Variants in MGAT4C observed in about 807,000 individuals in gnomAD.
The protein encoded by MGAT4C is MGAT4 family member C.
MGAT4C carries 19 observed loss-of-function variants against 40.1 expected under a neutral mutation model. The observed-to-expected ratio is 0.47, with a 90% CI of 0.33 to 0.70. MGAT4C has a LOEUF of 0.70. Ranked by LOEUF, MGAT4C falls within the 30% of genes least tolerant of loss-of-function variation. MGAT4C has a pLI of 0.02. For missense variants in MGAT4C, 491 were observed against 563.2 expected, an observed-to-expected ratio of 0.87 and a Z score of 1.30; for synonymous variants, 181 against 187.1, an observed-to-expected ratio of 0.97 and a Z score of 0.27.
chr12:86,168,148 T>C (rs572836458), intron 1 of MGAT4C, among the ~76,000 whole-genome samples: 2 of 152,348 alleles, frequency 1.3e-5, no homozygotes, highest in East Asian at 1.9e-4. Flanking sequence ...AAAATAGCAC[T>C]GTTTTATAGT....
At chr12:86,266,810 C>G (rs754792891) in intron 4 of MGAT4C, among the ~76,000 whole-genome samples, 1 of 151,792 alleles carries the variant, frequency 6.6e-6, no homozygotes, top group African/African-American at 2.4e-5. Context: ...CTGACTCAAT[C>G]TTGCTGCTGT....
At chr12:86,187,361 A>G (rs1368016605) in intron 1 of MGAT4C, among the ~76,000 whole-genome samples, 2 of 152,030 alleles carry the variant, frequency 1.3e-5, no homozygotes, top group African/African-American at 4.8e-5. Flanking sequence ...GTCCTTTTAA[A>G]GTGTACAATT....
intron 2 of MGAT4C, among the ~76,000 whole-genome samples, chr12:86,542,928 T>C (rs977323312): frequency 6.6e-6 from 1 of 152,192 alleles, no homozygotes; most frequent in African/African-American, 2.4e-5. Context: ...TTTGATTTTA[T>C]ATATTCAAAT....
chr12:86,493,696 T>C (rs1958182027), intron 2 of MGAT4C, among the ~76,000 whole-genome samples: 1 of 151,982 alleles, frequency 6.6e-6, no homozygotes. Context: ...TACCTAATGC[T>C]ATATGACGAG....
At chr12:86,015,227 GTTTTT>G (rs1888961878) in intron 2 of MGAT4C, among the ~76,000 whole-genome samples, 8 of 149,056 alleles carry the variant, frequency 5.4e-5, no homozygotes, top group South Asian at 4.6e-4. Flanking sequence ...AGTAATTGCG[GTTTTT>G]CCGCAATTAC....
At chr12:86,330,274 A>G (rs534243077) in intron 4 of MGAT4C, among the ~76,000 whole-genome samples, 2 of 152,298 alleles carry the variant, frequency 1.3e-5, no homozygotes, top group South Asian at 4.1e-4. Flanking sequence ...ATTAGTACGT[A>G]TCATTTTTAT....
intron 2 of MGAT4C, among the ~76,000 whole-genome samples, chr12:86,685,247 T>C (rs951373623): frequency 1.3e-5 from 2 of 152,222 alleles, no homozygotes; most frequent in Non-Finnish European, 2.9e-5. Context: ...TTCAGATTTC[T>C]GCATATGGCT....
At chr12:86,492,148 T>G (rs569877475) in intron 2 of MGAT4C, among the ~76,000 whole-genome samples, 33 of 152,040 alleles carry the variant, frequency 2.2e-4, no homozygotes, top group African/African-American at 7.2e-4. Flanking sequence ...AATAAAAGAC[T>G]ATACAAACAA....
intron 1 of MGAT4C, among the ~76,000 whole-genome samples, chr12:86,769,090 A>C (rs1162860522): frequency 5.9e-5 from 9 of 152,140 alleles, no homozygotes; most frequent in Non-Finnish European, 8.8e-5. Flanking sequence ...CAACCTACAA[A>C]ATGGGAGAAC....
At chr12:86,088,050 G>T (rs1175862977) in intron 1 of MGAT4C, among the ~76,000 whole-genome samples, 2 of 151,798 alleles carry the variant, frequency 1.3e-5, no homozygotes, top group African/African-American at 4.8e-5. Flanking sequence ...CAACAGAACA[G>T]AACAGAACCC....
chr12:85,995,311 G>A (rs1019050765), intron 2 of MGAT4C, among the ~76,000 whole-genome samples: 1 of 152,162 alleles, frequency 6.6e-6, no homozygotes, highest in African/African-American at 2.4e-5. Context: ...TAGAATTTGA[G>A]TGGCAGAATA....
At chr12:86,381,806 C>A (rs112610014) in intron 3 of MGAT4C, among the ~76,000 whole-genome samples, 1 of 152,044 alleles carries the variant, frequency 6.6e-6, no homozygotes, top group African/African-American at 2.4e-5. Flanking sequence ...AATTGAGTCA[C>A]GGGGGCAGGT....
chr12:86,052,108 A>G (rs1892953484), intron 1 of MGAT4C, among the ~76,000 whole-genome samples: 1 of 151,738 alleles, frequency 6.6e-6, no homozygotes, highest in Non-Finnish European at 1.5e-5. Context: ...AATACAATGA[A>G]TCAGGTTGCC....
In MGAT4C at chr12:86,766,552, A is replaced by C. The variant is rs560975732; in HGVS notation, c.-261-39311T>G. 6.5e-3 allele frequency among the ~76,000 whole-genome samples: 992 copies of C among 151,592 alleles called. 4 individuals are homozygous for C. Among genetic ancestry groups the C allele is most frequent in the Non-Finnish European group, 0.011 (723 of 67,746 alleles). ...ATCTACAGAACTCTCCACCCCAAAT[A>C]AACAGAATATACATTTTTTTCAGCA... is the stretch of plus-strand genomic sequence containing the variant. On this transcript the variant is annotated intron_variant, in intron 1 of 7. Coordinates refer to the MGAT4C transcript ENST00000548651.
chr12:86,620,388 A>T (rs551651892), intron 2 of MGAT4C, among the ~76,000 whole-genome samples: 128 of 152,216 alleles, frequency 8.4e-4, no homozygotes, highest in Non-Finnish European at 1.6e-3. Flanking sequence ...TCAGCCATAA[A>T]AATAATAAAA....
chr12:86,297,731 A>G (rs1953715169), intron 4 of MGAT4C, among the ~76,000 whole-genome samples: 1 of 152,180 alleles, frequency 6.6e-6, no homozygotes, highest in African/African-American at 2.4e-5. Context: ...CAGGTGGTTT[A>G]TGAAAACCCA....
chr12:86,792,443 T>G (rs1952040224), intron 1 of MGAT4C, among the ~76,000 whole-genome samples: 1 of 152,060 alleles, frequency 6.6e-6, no homozygotes, highest in Admixed American at 6.6e-5. Context: ...ATGGATTTTA[T>G]CAGAAAAGAG....
At chr12:86,137,249 G>C (rs1882104653) in intron 1 of MGAT4C, among the ~76,000 whole-genome samples, 1 of 152,072 alleles carries the variant, frequency 6.6e-6, no homozygotes, top group Non-Finnish European at 1.5e-5. Flanking sequence ...GGAAACATAA[G>C]ACTCAATTTA....
At chr12:86,458,289 A>T (rs1246009410) in intron 2 of MGAT4C, among the ~76,000 whole-genome samples, 1 of 152,206 alleles carries the variant, frequency 6.6e-6, no homozygotes, top group Non-Finnish European at 1.5e-5. Context: ...TCTAGCCTTC[A>T]CTGGCTCAGA....
Sources: gnomAD v4.1 joint callset for allele counts (sites outside exome capture counted in the v4.1 genomes callset) on GRCh38, gnomAD v4.1.1 for gene constraint, MANE v1.5 for transcripts, NCBI Gene and HGNC (gene_info 2026-07-23, HGNC 2026-07-21) for gene names.